Variants in IL1RAPL2 observed in about 807,000 individuals in gnomAD.
IL1RAPL2 encodes the protein X-linked interleukin-1 receptor accessory protein-like 2.
A neutral mutation model predicts 44.1 loss-of-function variants in IL1RAPL2; 3 were observed. That is an observed-to-expected ratio of 0.07 (90% CI 0.03 to 0.18). The LOEUF is 0.18. Among genes scored for constraint, IL1RAPL2 ranks in the 10% least tolerant of loss-of-function variants. The pLI is 1.00. For synonymous variants in IL1RAPL2, 181 were observed against 178.8 expected (o/e 1.01, Z -0.10); for missense variants, 391 against 496.4 (o/e 0.79, Z 2.02).
intron 2 of IL1RAPL2, among the ~76,000 whole-genome samples, chrX:104,661,856 C>A (rs764647522): frequency 5.6e-4 from 63 of 111,706 alleles, no homozygotes; most frequent in South Asian, 1.5e-3. Flanking sequence ...TTCCCCTCTT[C>A]CCTTCCCTCA....
chrX:105,698,242 T>A (rs1254404959), intron 6 of IL1RAPL2, among the ~76,000 whole-genome samples: 2 of 111,698 alleles, frequency 1.8e-5, no homozygotes, highest in African/African-American at 6.5e-5. Context: ...AGTGCTCTTA[T>A]CTTCAGAGGT....
intron 5 of IL1RAPL2, among the ~76,000 whole-genome samples, chrX:105,305,994 A>G: frequency 1.8e-5 from 2 of 109,146 alleles, no homozygotes; most frequent in African/African-American, 3.5e-5. Context: ...ATTATTATGC[A>G]GGTTCAATTC....
intron 2 of IL1RAPL2, among the ~76,000 whole-genome samples, chrX:104,739,800 C>A (rs754270705): frequency 1.8e-5 from 2 of 111,964 alleles, no homozygotes; most frequent in Non-Finnish European, 3.8e-5. Context: ...TATCATGATA[C>A]TATACCCCTA....
In IL1RAPL2 at chrX:105,590,759, C is replaced by A. The variant is rs1015966054; in HGVS notation, c.772+106372C>A. On this transcript the variant is annotated intron_variant, in intron 6 of 10. Coordinates refer to ENST00000372582, the MANE Select transcript of IL1RAPL2 (RefSeq NM_017416.2). ...TCATGTGCTATACTGGATTCAGTTT[C>A]CTTGTTGAAAATGTTTGCATCTGTT... is the stretch of plus-strand genomic sequence containing the variant. Among the ~76,000 whole-genome samples, 12 of 108,405 alleles carry A rather than the reference C, an allele frequency of 1.1e-4. 1 individual carries two copies. Among genetic ancestry groups the A allele is most frequent in the Admixed American group, 2.0e-4 (2 of 10,054 alleles). 94.1% of individuals were successfully genotyped at this position (108,405 alleles called of 115,157 possible).
At chrX:104,631,705 ATTTG>A (rs1396333773) in intron 1 of IL1RAPL2, among the ~76,000 whole-genome samples, 1 of 111,464 alleles carries the variant, frequency 9.0e-6, no homozygotes, top group African/African-American at 3.3e-5. Context: ...TTTCTTGTAA[ATTTG>A]TTTGAGTTCA....
intron 2 of IL1RAPL2, among the ~76,000 whole-genome samples, chrX:104,938,140 A>T (rs1404761028): frequency 8.9e-6 from 1 of 112,553 alleles, no homozygotes; most frequent in African/African-American, 3.2e-5. Context: ...TCTGGTTTAG[A>T]TAAACAATCA....
At chrX:105,385,488 A>G (rs1170552377) in intron 5 of IL1RAPL2, among the ~76,000 whole-genome samples, 1 of 111,093 alleles carries the variant, frequency 9.0e-6, no homozygotes, top group Non-Finnish European at 1.9e-5. Context: ...AGTACTTACA[A>G]CATAGTACAT....
chrX:105,709,645 A>G (rs2038192224), intron 6 of IL1RAPL2, among the ~76,000 whole-genome samples: 1 of 111,613 alleles, frequency 9.0e-6, no homozygotes, highest in South Asian at 3.8e-4. Context: ...GGCTGGGGCT[A>G]TAACGTTGAC....
chrX:105,269,458 T>G (rs1323008803), intron 5 of IL1RAPL2, among the ~76,000 whole-genome samples: 1 of 111,244 alleles, frequency 9.0e-6, no homozygotes, highest in Non-Finnish European at 1.9e-5. Flanking sequence ...AAATGATAGT[T>G]TTACTTCTTA....
chrX:105,548,999 C>G (rs1717900659), intron 6 of IL1RAPL2, among the ~76,000 whole-genome samples: 1 of 112,009 alleles, frequency 8.9e-6, no homozygotes, highest in Non-Finnish European at 1.9e-5. Flanking sequence ...GGAAGATCAT[C>G]CATAAATTCA....
At chrX:104,577,162 T>C (rs186791519) in intron 1 of IL1RAPL2, among the ~76,000 whole-genome samples, 46 of 112,262 alleles carry the variant, frequency 4.1e-4, no homozygotes, top group African/African-American at 1.5e-3. Context: ...AGTAATTCCA[T>C]TGGATCCTGT....
chrX:105,077,802 A>G (rs148250004), intron 2 of IL1RAPL2, among the ~76,000 whole-genome samples: 7,058 of 110,567 alleles, frequency 0.064, 605 homozygotes, highest in African/African-American at 0.22. Flanking sequence ...GTCTTCCATC[A>G]CTGATACCCT....
At chrX:105,066,357 C>T (rs752524797) in intron 2 of IL1RAPL2, among the ~76,000 whole-genome samples, 10 of 111,217 alleles carry the variant, frequency 9.0e-5, no homozygotes, top group Middle Eastern at 4.2e-3. Flanking sequence ...AGTAACAGTT[C>T]CTTGAAACAA....
chrX:104,888,320 C>CAG (rs575416287), intron 2 of IL1RAPL2, among the ~76,000 whole-genome samples: 1,091 of 93,870 alleles, frequency 0.012, 10 homozygotes, highest in African/African-American at 0.036. Flanking sequence ...AAGAGGGAGT[C>CAG]AGAGAGAGAG....
chrX:105,121,032 A>G (rs770938750), intron 2 of IL1RAPL2, among the ~76,000 whole-genome samples: 1 of 111,808 alleles, frequency 8.9e-6, no homozygotes, highest in African/African-American at 3.2e-5. Flanking sequence ...TGCTGCATTA[A>G]GACCCTTTCC....
chrX:104,635,562 A>C (rs1375805302), intron 1 of IL1RAPL2, among the ~76,000 whole-genome samples: 7 of 111,191 alleles, frequency 6.3e-5, no homozygotes, highest in African/African-American at 2.3e-4. Context: ...TTTTTTCTCT[A>C]AACTTCTCTT....
intron 1 of IL1RAPL2, among the ~76,000 whole-genome samples, chrX:104,638,427 C>G (rs917423920): frequency 2.7e-5 from 3 of 110,962 alleles, no homozygotes; most frequent in Non-Finnish European, 5.7e-5. Flanking sequence ...ACTTTCTTTT[C>G]TAGTTACTTG....
intron 6 of IL1RAPL2, among the ~76,000 whole-genome samples, chrX:105,663,702 C>A (rs947322292): frequency 9.0e-6 from 1 of 111,620 alleles, no homozygotes; most frequent in Non-Finnish European, 1.9e-5. Context: ...ATATGAATTG[C>A]CACAAGTGAT....
At chrX:105,613,415 T>C (rs1406604761) in intron 6 of IL1RAPL2, among the ~76,000 whole-genome samples, 1 of 112,087 alleles carries the variant, frequency 8.9e-6, no homozygotes, top group Non-Finnish European at 1.9e-5. Context: ...GGGGTGGTTA[T>C]GGGAAGAGAC....
Sources: allele counts gnomAD v4.1 joint callset (sites outside exome capture counted in the v4.1 genomes callset), GRCh38; gene constraint gnomAD v4.1.1; transcripts MANE v1.5; gene names NCBI Gene and HGNC (gene_info 2026-07-23, HGNC 2026-07-21).